The following PABPC4L variants were observed in gnomAD, a reference collection of about 807,000 sequenced individuals.
PABPC4L encodes the protein poly(A) binding protein cytoplasmic 4 like.
For missense variants in PABPC4L, 452 were observed against 451.4 expected (o/e 1.00, Z -0.01); for synonymous variants, 169 against 164.1 (o/e 1.03, Z -0.23).
chr4:134,158,863 A>G, the PABPC4L span, among the ~76,000 whole-genome samples: 1 of 152,130 alleles, frequency 6.6e-6, no homozygotes, highest in Non-Finnish European at 1.5e-5. Flanking sequence ...TAGATGGTAT[A>G]GCCTATAACA....
chr4:134,059,980 C>T, the PABPC4L span, among the ~76,000 whole-genome samples: 25 of 152,210 alleles, frequency 1.6e-4, no homozygotes, highest in African/African-American at 6.0e-4. Context: ...TGATGCCACT[C>T]CCTCCCACAT....
chr4:134,049,313 A>T, the PABPC4L span, among the ~76,000 whole-genome samples: 1 of 152,140 alleles, frequency 6.6e-6, no homozygotes, highest in Non-Finnish European at 1.5e-5. Context: ...CCAAATTATT[A>T]ACAATTCCAA....
At chr4:134,006,287 GTA>G in the PABPC4L span, among the ~76,000 whole-genome samples, 1 of 151,554 alleles carries the variant, frequency 6.6e-6, no homozygotes, top group African/African-American at 2.4e-5. Context: ...AGTATTGTAT[GTA>G]TATATGTAGT....
the PABPC4L span, among the ~76,000 whole-genome samples, chr4:133,955,528 T>A: frequency 6.6e-6 from 1 of 152,160 alleles, no homozygotes; most frequent in African/African-American, 2.4e-5. Flanking sequence ...TATGAATACA[T>A]TTTACATGTA....
At chr4:133,955,776 T>C in the PABPC4L span, among the ~76,000 whole-genome samples, 16 of 152,366 alleles carry the variant, frequency 1.1e-4, no homozygotes, top group African/African-American at 3.8e-4. Flanking sequence ...GTTATGCCTG[T>C]ATTTTTAGGA....
At chr4:134,017,441 A>G in the PABPC4L span, among the ~76,000 whole-genome samples, 1 of 152,006 alleles carries the variant, frequency 6.6e-6, no homozygotes, top group African/African-American at 2.4e-5. Context: ...TCATACTCCT[A>G]TTCACCATTC....
chr4:134,185,002 T>A, the PABPC4L span, among the ~76,000 whole-genome samples: 1 of 152,068 alleles, frequency 6.6e-6, no homozygotes, highest in Non-Finnish European at 1.5e-5. Context: ...TCTGCCTATT[T>A]TTTAAATCAG....
At chr4:134,113,579 G>T in the PABPC4L span, among the ~76,000 whole-genome samples, 1 of 151,980 alleles carries the variant, frequency 6.6e-6, no homozygotes, top group South Asian at 2.1e-4. Flanking sequence ...TCACAAGGAT[G>T]AAATTGCCTA....
chr4:134,065,003 G>A, the PABPC4L span, among the ~76,000 whole-genome samples: 1 of 152,040 alleles, frequency 6.6e-6, no homozygotes, highest in African/African-American at 2.4e-5. Flanking sequence ...CTGTTGATGG[G>A]TATTTATATT....
chr4:134,076,229 C>T, the PABPC4L span, among the ~76,000 whole-genome samples: 12 of 152,074 alleles, frequency 7.9e-5, no homozygotes, highest in Non-Finnish European at 1.5e-5. Context: ...GAAAAAGGGT[C>T]TGAAAGTTTC....
At chr4:134,048,215 A>C in the PABPC4L span, among the ~76,000 whole-genome samples, 1 of 152,288 alleles carries the variant, frequency 6.6e-6, no homozygotes, top group African/African-American at 2.4e-5. Flanking sequence ...AATGAAAAAT[A>C]AACTAATAAA....
At chr4:134,020,200 T>C in the PABPC4L span, among the ~76,000 whole-genome samples, 4 of 151,894 alleles carry the variant, frequency 2.6e-5, no homozygotes, top group Admixed American at 2.6e-4. Context: ...ATTAAGAAAG[T>C]AAAGTAGTGA....
At chr4:134,098,722 C>G in the PABPC4L span, among the ~76,000 whole-genome samples, 1 of 151,570 alleles carries the variant, frequency 6.6e-6, no homozygotes, top group African/African-American at 2.4e-5. Flanking sequence ...GCTAGTCAGA[C>G]TACCCAATGA....
chr4:134,061,866 AAAG>A, the PABPC4L span, among the ~76,000 whole-genome samples: 2 of 151,872 alleles, frequency 1.3e-5, no homozygotes, highest in Non-Finnish European at 2.9e-5. Flanking sequence ...GGAAAGAAAG[AAAG>A]AAGGAAAAAG....
the PABPC4L span, among the ~76,000 whole-genome samples, chr4:134,160,331 C>A: frequency 3.9e-5 from 6 of 152,014 alleles, no homozygotes; most frequent in Non-Finnish European, 8.8e-5. Flanking sequence ...TGCCTGGTAT[C>A]CCAGATAATA....
chr4:134,155,910 T>C, the PABPC4L span, among the ~76,000 whole-genome samples: 1 of 151,994 alleles, frequency 6.6e-6, no homozygotes, highest in Non-Finnish European at 1.5e-5. Context: ...ATAAAAAGCA[T>C]TGAATTCAAA....
At chr4:134,084,015 AC>A in the PABPC4L span, among the ~76,000 whole-genome samples, 1 of 152,128 alleles carries the variant, frequency 6.6e-6, no homozygotes, top group Admixed American at 6.6e-5. Flanking sequence ...AATCATAAGA[AC>A]ACTAGAATTA....
the PABPC4L span, among the ~76,000 whole-genome samples, chr4:134,156,377 C>T: frequency 8.6e-5 from 13 of 151,816 alleles, 1 homozygote; most frequent in Non-Finnish European, 1.8e-4. Flanking sequence ...GTGCTCGTTA[C>T]CTCTTAAATC....
At chr4:133,964,192 C>T in the PABPC4L span, among the ~76,000 whole-genome samples, 9 of 151,988 alleles carry the variant, frequency 5.9e-5, no homozygotes, top group Admixed American at 2.0e-4. Context: ...ACTGTGACAC[C>T]TTTCTGCACA....
Sources: allele counts gnomAD v4.1 joint callset (sites outside exome capture counted in the v4.1 genomes callset), GRCh38; gene constraint gnomAD v4.1.1; transcripts MANE v1.5; gene names NCBI Gene and HGNC (gene_info 2026-07-23, HGNC 2026-07-21).